ABCA13: variants seen among roughly 807,000 people sequenced by gnomAD.
ABCA13 encodes ATP binding cassette subfamily A member 13.
Under a neutral mutation model 478.7 loss-of-function variants are expected in ABCA13, and 476 were observed. The ratio of observed to expected loss-of-function variants is 0.99; its 90% CI spans 0.92 to 1.07. The LOEUF is 1.07. ABCA13 is among the 50% of genes least tolerant of loss of function. The pLI, the probability that ABCA13 is intolerant of heterozygous loss-of-function variation, is 0.00. For synonymous variants in ABCA13, 2,252 were observed against 2,158.9 expected (o/e 1.04, Z -1.20); for missense variants, 6,060 against 5,910.6 (o/e 1.03, Z -0.83).
At chr7:48,536,464 A>G (rs1172443073) in intron 55 of ABCA13, among the ~76,000 whole-genome samples, 2 of 152,128 alleles carry the variant, frequency 1.3e-5, no homozygotes, top group African/African-American at 4.8e-5. Context: ...CCTGGCCAAC[A>G]TGGTGAAACC....
chr7:48,217,171 A>G (rs1786609848), intron 3 of ABCA13, among the ~76,000 whole-genome samples: 1 of 152,224 alleles, frequency 6.6e-6, no homozygotes, highest in South Asian at 2.1e-4. Context: ...TCACAAGTGC[A>G]AAGTTATGGA....
intron 55 of ABCA13, among the ~76,000 whole-genome samples, chr7:48,570,923 A>G (rs1787583650): frequency 6.6e-6 from 1 of 151,980 alleles, no homozygotes; most frequent in Non-Finnish European, 1.5e-5. Flanking sequence ...AGTATTTTCT[A>G]ACATACCACT....
intron 3 of ABCA13, among the ~76,000 whole-genome samples, chr7:48,200,380 C>A (rs888182186): frequency 3.9e-5 from 6 of 151,954 alleles, no homozygotes; most frequent in Non-Finnish European, 7.4e-5. Flanking sequence ...CAAAAAAAAC[C>A]CCCCAAATTA....
At chr7:48,190,369 G>T (rs1796938078) in intron 1 of ABCA13, among the ~76,000 whole-genome samples, 1 of 152,092 alleles carries the variant, frequency 6.6e-6, no homozygotes, top group East Asian at 1.9e-4. Context: ...CTTGTTATCT[G>T]TAATCAACTA....
At chr7:48,556,492 G>A (rs986535963) in intron 55 of ABCA13, among the ~76,000 whole-genome samples, 2 of 151,712 alleles carry the variant, frequency 1.3e-5, no homozygotes, top group Non-Finnish European at 2.9e-5. Context: ...TCCTGTGTTG[G>A]GTACATAAAT....
chr7:48,202,344 G>C (rs544047578), intron 3 of ABCA13, among the ~76,000 whole-genome samples: 1 of 152,284 alleles, frequency 6.6e-6, no homozygotes, highest in South Asian at 2.1e-4. Flanking sequence ...AGATTAGTTA[G>C]ATACAGAGTA....
At chr7:48,489,416 A>C in intron 48 of ABCA13, 72 bp downstream of exon 48, 1 of 1,337,544 alleles carries the variant, frequency 7.5e-7, no homozygotes. Flanking sequence ...AAAGAAACAG[A>C]AAAGTTTCTG....
intron 3 of ABCA13, among the ~76,000 whole-genome samples, chr7:48,213,243 T>G (rs1424963323): frequency 6.6e-6 from 1 of 152,228 alleles, no homozygotes; most frequent in Non-Finnish European, 1.5e-5. Flanking sequence ...TATGAAGGGC[T>G]GTTTTTGGAC....
chr7:48,385,650 A>C (rs1013949964), intron 35 of ABCA13, among the ~76,000 whole-genome samples: 1 of 152,158 alleles, frequency 6.6e-6, no homozygotes, highest in Non-Finnish European at 1.5e-5. Context: ...TAATAAGATG[A>C]TATATATTCC....
intron 34 of ABCA13, among the ~76,000 whole-genome samples, chr7:48,375,449 A>G (rs763486322): frequency 3.9e-5 from 6 of 152,242 alleles, no homozygotes; most frequent in Non-Finnish European, 8.8e-5. Context: ...ATCCAGAAAT[A>G]GGTCTAATAA....
intron 59 of ABCA13, among the ~76,000 whole-genome samples, chr7:48,641,486 C>T (rs1795096878): frequency 6.6e-6 from 1 of 152,190 alleles, no homozygotes; most frequent in South Asian, 2.1e-4. Context: ...TCAGTCCTCT[C>T]ACAACCTTAT....
At chr7:48,236,015 G>T (rs1789900334) in intron 8 of ABCA13, among the ~76,000 whole-genome samples, 1 of 152,166 alleles carries the variant, frequency 6.6e-6, no homozygotes, top group African/African-American at 2.4e-5. Flanking sequence ...TGTACTAAAT[G>T]TATTCTTGGC....
chr7:48,277,816 C>G (rs1050890651), intron 17 of ABCA13, among the ~76,000 whole-genome samples: 1 of 152,030 alleles, frequency 6.6e-6, no homozygotes, highest in Admixed American at 6.6e-5. Flanking sequence ...CCCTTTTAAC[C>G]TTTTTCATAA....
intron 57 of ABCA13, 53 bp downstream of exon 57, chr7:48,587,341 T>G: frequency 6.7e-7 from 1 of 1,497,202 alleles, no homozygotes; most frequent in Non-Finnish European, 9.0e-7. Flanking sequence ...GCATATTGAT[T>G]TATAAACTGA....
intron 59 of ABCA13, among the ~76,000 whole-genome samples, chr7:48,640,208 T>G (rs1795005945): frequency 6.6e-6 from 1 of 152,182 alleles, no homozygotes; most frequent in African/African-American, 2.4e-5. Flanking sequence ...TGTTATAAAT[T>G]ATGACTTTTA....
chr7:48,307,502 G>A (rs934878490), intron 23 of ABCA13, among the ~76,000 whole-genome samples: 1 of 152,120 alleles, frequency 6.6e-6, no homozygotes, highest in Non-Finnish European at 1.5e-5. Flanking sequence ...CAGGACTGAA[G>A]TTGCTCTGGG....
At chr7:48,374,455 T>C (rs1813143885) in intron 34 of ABCA13, 39 bp downstream of exon 34, 1 of 1,563,684 alleles carries the variant, frequency 6.4e-7, no homozygotes, top group African/African-American at 1.4e-5. Flanking sequence ...TCTCAGTGAA[T>C]CACGTTTTTG....
At chr7:48,309,214 T>G (rs1801387075) in intron 23 of ABCA13, among the ~76,000 whole-genome samples, 1 of 152,068 alleles carries the variant, frequency 6.6e-6, no homozygotes, top group South Asian at 2.1e-4. Context: ...TTCATGCACT[T>G]CGGCCTCAGT....
intron 43 of ABCA13, among the ~76,000 whole-genome samples, chr7:48,463,889 G>C (rs1826572753): frequency 6.6e-6 from 1 of 151,914 alleles, no homozygotes; most frequent in Non-Finnish European, 1.5e-5. Flanking sequence ...GAAGGGGAGA[G>C]TGTAGGCTGC....
Sources: gnomAD v4.1 joint callset for allele counts (sites outside exome capture counted in the v4.1 genomes callset) on GRCh38, gnomAD v4.1.1 for gene constraint, MANE v1.5 for transcripts, NCBI Gene and HGNC (gene_info 2026-07-23, HGNC 2026-07-21) for gene names.